PCDHA1: variants seen among roughly 807,000 people sequenced by gnomAD.
PCDHA1 encodes the protein protocadherin alpha-1.
In PCDHA1, 42 loss-of-function variants were observed where a neutral mutation model predicts 61.3. The observed-to-expected ratio is 0.69, with a 90% CI of 0.54 to 0.89. The LOEUF (loss-of-function observed/expected upper bound fraction) is 0.89. Ranked by LOEUF, PCDHA1 falls within the 40% of genes least tolerant of loss-of-function variation. The pLI is 0.00. For missense variants in PCDHA1, 1,256 were observed against 1,235.3 expected (o/e 1.02, Z -0.25); for synonymous variants, 610 against 553.8 (o/e 1.10, Z -1.43).
At chr5:140,803,890 G>A (rs1011549808) in intron 1 of PCDHA1, 6 of 533,876 alleles carry the variant, frequency 1.1e-5, no homozygotes, top group South Asian at 2.4e-5. Flanking sequence ...TAGATGAATT[G>A]CATTATTTAG....
intron 3 of PCDHA1, among the ~76,000 whole-genome samples, chr5:140,984,528 T>C (rs1187541000): frequency 7.2e-5 from 11 of 152,216 alleles, no homozygotes; most frequent in African/African-American, 2.4e-4. Flanking sequence ...ACAGTCTTCA[T>C]GGACTGTGCT....
At chr5:140,820,494 T>A (rs1766771556) in intron 1 of PCDHA1, among the ~76,000 whole-genome samples, 1 of 151,996 alleles carries the variant, frequency 6.6e-6, no homozygotes, top group Non-Finnish European at 1.5e-5. Flanking sequence ...ATTTAAGGAA[T>A]TTTATGGAGT....
intron 1 of PCDHA1, chr5:140,801,354 G>T: frequency 6.2e-7 from 1 of 1,613,438 alleles, no homozygotes; most frequent in East Asian, 2.2e-5. Context: ...GCAGGACCTG[G>T]GGCTGGAGCT....
chr5:140,951,833 A>G (rs2094641584), intron 1 of PCDHA1, among the ~76,000 whole-genome samples: 1 of 152,190 alleles, frequency 6.6e-6, no homozygotes, highest in Admixed American at 6.5e-5. Flanking sequence ...TCATTCCAGC[A>G]TTAAGCCAAA....
chr5:140,806,023 A>C (rs1763668138), intron 1 of PCDHA1, among the ~76,000 whole-genome samples: 1 of 152,204 alleles, frequency 6.6e-6, no homozygotes, highest in Non-Finnish European at 1.5e-5. Flanking sequence ...TGCTTATAAG[A>C]GATAAATTAA....
At chr5:140,807,658 C>A in intron 1 of PCDHA1, 2 of 1,614,204 alleles carry the variant, frequency 1.2e-6, no homozygotes, top group Non-Finnish European at 1.7e-6. Context: ...TAGAGGGCGC[C>A]TCGGATGCAG....
chr5:140,901,539 A>C (rs192107124), intron 1 of PCDHA1, among the ~76,000 whole-genome samples: 1 of 151,952 alleles, frequency 6.6e-6, no homozygotes, highest in African/African-American at 2.4e-5. Context: ...TTGGTTCTCT[A>C]TTCTGTTCCA....
chr5:140,814,816 GCTAT>G (rs1765597379), intron 1 of PCDHA1: 1 of 152,104 alleles, frequency 6.6e-6, no homozygotes, highest in Non-Finnish European at 1.5e-5. Context: ...TTATTGTATT[GCTAT>G]CTATTTCTCC....
intron 1 of PCDHA1, chr5:140,927,414 A>T: frequency 6.2e-7 from 1 of 1,614,114 alleles, no homozygotes; most frequent in South Asian, 1.1e-5. Context: ...TGGACATGGG[A>T]TCGCGGGTTG....
At chr5:140,835,826 C>G in intron 1 of PCDHA1, 4 of 1,612,456 alleles carry the variant, frequency 2.5e-6, no homozygotes, top group Non-Finnish European at 3.4e-6. Context: ...CGGCGGGGGA[C>G]GCGGACGCGC....
intron 1 of PCDHA1, chr5:140,863,174 C>T (rs781864500): frequency 1.4e-6 from 1 of 714,706 alleles, no homozygotes; most frequent in East Asian, 4.3e-5. Context: ...GCGCTGACTG[C>T]CACCGTCACC....
chr5:140,830,051 C>G, intron 1 of PCDHA1: 2 of 1,613,728 alleles, frequency 1.2e-6, no homozygotes, highest in East Asian at 4.5e-5. Context: ...GGTGAAAGAC[C>G]ACGGTGAGCC....
chr5:140,928,940 AT>A (rs573936635), intron 1 of PCDHA1: 94 of 1,614,062 alleles, frequency 5.8e-5, no homozygotes, highest in Non-Finnish European at 7.9e-5. Flanking sequence ...CAGAACTTGT[AT>A]TTAGTAATTG....
chr5:140,884,586 G>A (rs782106355), intron 1 of PCDHA1: 1 of 1,614,250 alleles, frequency 6.2e-7, no homozygotes, highest in Admixed American at 1.7e-5. Flanking sequence ...ATGGCCTTCA[G>A]TCCCAGCCTT....
At chr5:140,931,970 G>A (rs2087909153) in intron 1 of PCDHA1, among the ~76,000 whole-genome samples, 1 of 151,866 alleles carries the variant, frequency 6.6e-6, no homozygotes, top group Non-Finnish European at 1.5e-5. Flanking sequence ...TGATGCATAT[G>A]TGTTTATATT....
rs1388292827 is a variant in PCDHA1, at chr5:140,857,492, G to A, written c.2394+68808G>A. On this transcript the variant is annotated intron_variant, in intron 1 of 3. Coordinates refer to ENST00000504120, the MANE Select transcript of PCDHA1 (RefSeq NM_018900.4). ...CTTCACGGTGTCTGCGTGGGACGCG[G>A]ACGCGCAGGAGAACGCCCTGGTGTC... 2 of 1,598,272 alleles carry A rather than the reference G, an allele frequency of 1.3e-6. No homozygotes were observed. The highest frequency in any genetic ancestry group is 1.7e-6 in the Non-Finnish European group (2 of 1,167,822).
At chr5:141,006,305 G>A (rs548520638) in intron 3 of PCDHA1, among the ~76,000 whole-genome samples, 25 of 151,934 alleles carry the variant, frequency 1.6e-4, no homozygotes, top group Admixed American at 5.2e-4. Context: ...TCCACTTCCC[G>A]GGTTCATGCC....
intron 1 of PCDHA1, among the ~76,000 whole-genome samples, chr5:140,820,375 TA>T (rs1487891425): frequency 6.6e-6 from 1 of 152,006 alleles, no homozygotes; most frequent in Non-Finnish European, 1.5e-5. Context: ...CATTTTCTGG[TA>T]ATTTCTTTTT....
At chr5:140,976,316 C>T (rs1336395893) in intron 1 of PCDHA1, among the ~76,000 whole-genome samples, 17 of 152,002 alleles carry the variant, frequency 1.1e-4, no homozygotes, top group Admixed American at 1.0e-3. Context: ...TTTGGGAGGC[C>T]GAGGAGGGTG....
Sources: gnomAD v4.1 joint callset for allele counts (sites outside exome capture counted in the v4.1 genomes callset) on GRCh38, gnomAD v4.1.1 for gene constraint, MANE v1.5 for transcripts, NCBI Gene and HGNC (gene_info 2026-07-23, HGNC 2026-07-21) for gene names.